The following CDH13 variants were observed in gnomAD, a reference collection of about 807,000 sequenced individuals.
CDH13 encodes cadherin-13.
In CDH13, 24 loss-of-function variants were observed where a neutral mutation model predicts 63.8. The ratio of observed to expected loss-of-function variants is 0.38; its 90% confidence interval spans 0.27 to 0.53. The LOEUF is 0.53. CDH13 is among the 20% of genes least tolerant of loss of function. The probability of loss-of-function intolerance (pLI) is 0.85; values close to 1 mark genes in which losing one functional copy is unlikely to be tolerated. For synonymous variants in CDH13, 503 were observed against 355.3 expected (o/e 1.42, Z -4.67); for missense variants, 1,049 against 903.1 (o/e 1.16, Z -2.07).
chr16:82,707,353 A>G (rs541004696), intron 1 of CDH13, among the ~76,000 whole-genome samples: 25 of 152,330 alleles, frequency 1.6e-4, no homozygotes, highest in African/African-American at 5.5e-4. Flanking sequence ...GATCTTACAC[A>G]TATTTAACAA....
chr16:83,505,705 G>A (rs1279951046), intron 7 of CDH13, among the ~76,000 whole-genome samples: 4 of 151,918 alleles, frequency 2.6e-5, no homozygotes, highest in East Asian at 3.9e-4. Flanking sequence ...CTCCACGCCC[G>A]GCTAATTTTT....
intron 5 of CDH13, among the ~76,000 whole-genome samples, chr16:83,301,291 A>T (rs1161350741): frequency 6.6e-6 from 1 of 152,002 alleles, no homozygotes; most frequent in Non-Finnish European, 1.5e-5. Context: ...TCAGCCTCCC[A>T]AAGTGCAGGG....
intron 5 of CDH13, among the ~76,000 whole-genome samples, chr16:83,293,758 G>C (rs1256189797): frequency 6.6e-6 from 1 of 152,202 alleles, no homozygotes; most frequent in East Asian, 1.9e-4. Flanking sequence ...GGGTTGGAAA[G>C]TATTAAAAAC....
chr16:83,587,513 C>A (rs1001667126), intron 7 of CDH13, among the ~76,000 whole-genome samples: 2 of 152,108 alleles, frequency 1.3e-5, no homozygotes, highest in African/African-American at 2.4e-5. Context: ...CACAGCAGAA[C>A]GCAATTTTTA....
intron 5 of CDH13, among the ~76,000 whole-genome samples, chr16:83,299,591 GTAGGAATTT>G (rs543687506): frequency 6.6e-6 from 1 of 152,254 alleles, no homozygotes; most frequent in South Asian, 2.1e-4. Context: ...CCTCCTCTGT[GTAGGAATTT>G]TAAAAGACCC....
At chr16:83,619,269 C>T (rs1909582777) in intron 8 of CDH13, among the ~76,000 whole-genome samples, 1 of 152,178 alleles carries the variant, frequency 6.6e-6, no homozygotes, top group Non-Finnish European at 1.5e-5. Flanking sequence ...CGAAGCATGG[C>T]TGGGGACAAC....
intron 5 of CDH13, among the ~76,000 whole-genome samples, chr16:83,230,566 A>G (rs550052715): frequency 1.3e-5 from 2 of 152,260 alleles, no homozygotes; most frequent in South Asian, 4.1e-4. Flanking sequence ...CTGGAAGATC[A>G]CCTGAGGTCA....
At chr16:83,328,371 C>G (rs1476680095) in intron 5 of CDH13, among the ~76,000 whole-genome samples, 2 of 152,088 alleles carry the variant, frequency 1.3e-5, no homozygotes, top group Non-Finnish European at 2.9e-5. Context: ...TGTGGCTGAA[C>G]TAGAATGATT....
At chr16:82,980,702 A>G (rs886543637) in intron 2 of CDH13, among the ~76,000 whole-genome samples, 3 of 152,188 alleles carry the variant, frequency 2.0e-5, no homozygotes, top group Non-Finnish European at 4.4e-5. Flanking sequence ...ACTACCATAT[A>G]CAGAGTCAGA....
chr16:83,339,047 C>T (rs186939573), intron 5 of CDH13, among the ~76,000 whole-genome samples: 92 of 152,250 alleles, frequency 6.0e-4, no homozygotes, highest in African/African-American at 2.0e-3. Flanking sequence ...CAGGAAGACC[C>T]ACAGGGCGCC....
chr16:82,973,290 C>T (rs562908983), intron 2 of CDH13, among the ~76,000 whole-genome samples: 10 of 152,312 alleles, frequency 6.6e-5, no homozygotes, highest in South Asian at 4.1e-4. Flanking sequence ...TCCTCTTTGC[C>T]GTCCTTCTCC....
At chr16:83,194,078 T>C (rs888475472) in intron 4 of CDH13, among the ~76,000 whole-genome samples, 3 of 152,224 alleles carry the variant, frequency 2.0e-5, no homozygotes, top group Non-Finnish European at 4.4e-5. Context: ...AGTGATTCTG[T>C]GCCTTACAAT....
At chr16:83,404,393 G>A (rs1014938822) in intron 6 of CDH13, among the ~76,000 whole-genome samples, 7 of 152,166 alleles carry the variant, frequency 4.6e-5, no homozygotes, top group Admixed American at 3.3e-4. Context: ...CACTGGTTAT[G>A]CTTATAACGT....
intron 1 of CDH13, among the ~76,000 whole-genome samples, chr16:82,711,237 A>G (rs1435075863): frequency 6.6e-6 from 1 of 152,156 alleles, no homozygotes; most frequent in African/African-American, 2.4e-5. Context: ...GTGTTTATGA[A>G]AGATTCTGTT....
intron 7 of CDH13, among the ~76,000 whole-genome samples, chr16:83,532,659 C>A (rs1424040202): frequency 2.0e-5 from 3 of 152,224 alleles, no homozygotes; most frequent in Non-Finnish European, 4.4e-5. Context: ...TCTTCCTCTG[C>A]AATCTCTGCA....
intron 2 of CDH13, among the ~76,000 whole-genome samples, chr16:83,011,564 C>T (rs534950797): frequency 5.3e-5 from 8 of 152,232 alleles, no homozygotes; most frequent in South Asian, 4.2e-4. Context: ...CTGAGTCAAC[C>T]GGGCGGTAAA....
rs144298441 is a variant in CDH13 at position 82,875,386 on chromosome 16, G to T, written c.157+16913G>T. On this transcript the variant is annotated intron_variant, in intron 2 of 13. Coordinates refer to ENST00000567109, the MANE Select transcript of CDH13 (RefSeq NM_001257.5). Reference sequence around the variant, plus strand: ...ATCCTGACTAACTCAAGACTTTAAAGAAAGATACTTAATTAAAATAGAAGG... The same window carrying T: ...ATCCTGACTAACTCAAGACTTTAAATAAAGATACTTAATTAAAATAGAAGG... Among the ~76,000 whole-genome samples the T allele has an allele frequency of 4.8e-3, 736 of 152,228 alleles. 11 individuals are homozygous for T. Among genetic ancestry groups the T allele is most frequent in the Non-Finnish European group, 3.4e-3 (231 of 67,998 alleles).
intron 1 of CDH13, among the ~76,000 whole-genome samples, chr16:82,853,275 T>G (rs1373602463): frequency 6.6e-6 from 1 of 152,226 alleles, no homozygotes; most frequent in African/African-American, 2.4e-5. Context: ...TGTCCCTGTA[T>G]GTAGTCTAAA....
At chr16:83,427,562 G>C (rs2071950559) in intron 6 of CDH13, among the ~76,000 whole-genome samples, 1 of 152,172 alleles carries the variant, frequency 6.6e-6, no homozygotes, top group African/African-American at 2.4e-5. Flanking sequence ...CATCAGAGTT[G>C]TTTTAAGTCA....
Sources: gnomAD v4.1 joint callset for allele counts (sites outside exome capture counted in the v4.1 genomes callset) on GRCh38, gnomAD v4.1.1 for gene constraint, MANE v1.5 for transcripts, NCBI Gene and HGNC (gene_info 2026-07-23, HGNC 2026-07-21) for gene names.